Variants in CALN1 observed in about 807,000 individuals in gnomAD.
CALN1 encodes calcium-binding protein 8.
A neutral mutation model predicts 30.6 loss-of-function variants in CALN1; 17 were observed. The ratio of observed to expected loss-of-function variants is 0.56; its 90% CI spans 0.38 to 0.83. The LOEUF is 0.83. Among genes scored for constraint, CALN1 ranks in the 40% least tolerant of loss-of-function variants. The pLI is 0.00. For synonymous variants in CALN1, 156 were observed against 131.4 expected (o/e 1.19, Z -1.28); for missense variants, 291 against 354.9 (o/e 0.82, Z 1.45).
intron 5 of CALN1, among the ~76,000 whole-genome samples, chr7:72,021,489 T>C (rs1800705964): frequency 6.6e-6 from 1 of 152,164 alleles, no homozygotes; most frequent in East Asian, 1.9e-4. Flanking sequence ...ACTCTACCTA[T>C]TGGTCCTTGC....
intron 3 of CALN1, among the ~76,000 whole-genome samples, chr7:72,217,832 A>ATTTTT (rs35736777): frequency 8.9e-5 from 6 of 67,298 alleles, no homozygotes; most frequent in African/African-American, 1.3e-4. Context: ...AATTAAATAA[A>ATTTTT]TTTTTTTTTT....
intron 5 of CALN1, among the ~76,000 whole-genome samples, chr7:71,904,945 GATTT>G (rs1490212349): frequency 1.3e-5 from 2 of 149,492 alleles, no homozygotes; most frequent in African/African-American, 2.5e-5. Context: ...TTCTTTATTT[GATTT>G]ATTTATTGAG....
chr7:71,876,857 A>G (rs1792275396), intron 5 of CALN1, among the ~76,000 whole-genome samples: 1 of 152,218 alleles, frequency 6.6e-6, no homozygotes, highest in South Asian at 2.1e-4. Flanking sequence ...ACTGTTATCA[A>G]TGATTACCTT....
intron 1 of CALN1, among the ~76,000 whole-genome samples, chr7:72,437,817 T>C (rs1373166659): frequency 2.1e-5 from 3 of 144,416 alleles, no homozygotes; most frequent in Non-Finnish European, 4.5e-5. Flanking sequence ...CCTTCCTTCT[T>C]TCCTTCCTTC....
chr7:72,309,950 C>T (rs575319556), intron 2 of CALN1, among the ~76,000 whole-genome samples: 18 of 152,282 alleles, frequency 1.2e-4, no homozygotes, highest in African/African-American at 3.8e-4. Flanking sequence ...AGGGGCCCTG[C>T]CAGCATTCTC....
intron 2 of CALN1, among the ~76,000 whole-genome samples, chr7:72,400,718 A>C (rs1806283418): frequency 6.6e-6 from 1 of 152,084 alleles, no homozygotes; most frequent in Non-Finnish European, 1.5e-5. Context: ...AAAAATATAA[A>C]ATTAGCTGGG....
intron 1 of CALN1, among the ~76,000 whole-genome samples, chr7:72,426,706 G>A (rs1417475952): frequency 6.6e-6 from 1 of 152,230 alleles, no homozygotes; most frequent in East Asian, 1.9e-4. Context: ...GGGCTGTTCT[G>A]CTGTAACCAC....
rs116287901 is a variant in CALN1 at position 72,254,459 on chromosome 7, C to T, written c.244+24227G>A. 7.0e-3 allele frequency among the ~76,000 whole-genome samples: 1,062 copies of T among 152,258 alleles called. 16 individuals carry two copies. The highest frequency in any genetic ancestry group is 0.025 in the African/African-American group (1,027 of 41,548). ...GCCTGGATCCATCGTCTGCTGTCCCCACTCATCAGCCTCCCAAGTGACTTG... is the reference window on the plus strand; with the variant it reads ...GCCTGGATCCATCGTCTGCTGTCCCTACTCATCAGCCTCCCAAGTGACTTG... On this transcript the variant is annotated intron_variant, in intron 3 of 6. Coordinates refer to ENST00000395275, the MANE Select transcript of CALN1 (RefSeq NM_031468.4).
intron 5 of CALN1, among the ~76,000 whole-genome samples, chr7:71,897,517 T>C (rs1793594405): frequency 6.6e-6 from 1 of 152,128 alleles, no homozygotes; most frequent in South Asian, 2.1e-4. Context: ...AAATTTCACC[T>C]TGAGCCTCTG....
chr7:72,056,360 G>C (rs1004144714), intron 4 of CALN1, among the ~76,000 whole-genome samples: 1 of 152,012 alleles, frequency 6.6e-6, no homozygotes, highest in African/African-American at 2.4e-5. Flanking sequence ...GGTTAAGTAG[G>C]AGATAAACAA....
At chr7:72,192,637 ATTATT>A (rs1293818949) in intron 3 of CALN1, among the ~76,000 whole-genome samples, 349 of 13,506 alleles carry the variant, frequency 0.026, 1 homozygote, top group African/African-American at 0.16. Flanking sequence ...TATTATTATT[ATTATT>A]ATTATTATTA....
chr7:72,150,786 T>G (rs1324373389), intron 3 of CALN1, among the ~76,000 whole-genome samples: 1 of 152,228 alleles, frequency 6.6e-6, no homozygotes, highest in African/African-American at 2.4e-5. Flanking sequence ...ATCAATCGTG[T>G]AAGTTTAAGG....
chr7:72,019,297 T>A (rs1187847463), intron 5 of CALN1, among the ~76,000 whole-genome samples: 1 of 152,118 alleles, frequency 6.6e-6, no homozygotes, highest in Non-Finnish European at 1.5e-5. Context: ...GGCAGCAATG[T>A]CAGATCAGAA....
chr7:71,852,285 G>A (rs1053346409), intron 5 of CALN1, among the ~76,000 whole-genome samples: 1 of 151,906 alleles, frequency 6.6e-6, no homozygotes, highest in African/African-American at 2.4e-5. Context: ...CACTTCTCTT[G>A]GGAAAATACC....
chr7:71,854,457 C>T (rs112090729), intron 5 of CALN1, among the ~76,000 whole-genome samples: 5 of 152,096 alleles, frequency 3.3e-5, no homozygotes, highest in African/African-American at 1.2e-4. Context: ...CAGGAATGTG[C>T]TATTTATTTT....
intron 5 of CALN1, among the ~76,000 whole-genome samples, chr7:71,976,701 CTT>C (rs1358557463): frequency 8.5e-5 from 13 of 152,126 alleles, no homozygotes; most frequent in Non-Finnish European, 1.3e-4. Context: ...AATGGAAATT[CTT>C]GAGTCTGCAG....
intron 5 of CALN1, among the ~76,000 whole-genome samples, chr7:71,923,301 T>A (rs1463693923): frequency 6.6e-6 from 1 of 152,170 alleles, no homozygotes; most frequent in African/African-American, 2.4e-5. Context: ...TTGCTTTCAT[T>A]TGGCTGTTTG....
intron 3 of CALN1, among the ~76,000 whole-genome samples, chr7:72,224,390 C>A (rs1447161763): frequency 1.3e-5 from 2 of 152,054 alleles, no homozygotes; most frequent in African/African-American, 4.8e-5. Context: ...ATGGATATCA[C>A]AGGGTCAAAA....
chr7:72,065,557 G>A (rs1394822643), intron 4 of CALN1, among the ~76,000 whole-genome samples: 1 of 152,008 alleles, frequency 6.6e-6, no homozygotes, highest in South Asian at 2.1e-4. Flanking sequence ...ATCCCATCTC[G>A]GATTCATTAC....
Sources: allele counts gnomAD v4.1 joint callset (sites outside exome capture counted in the v4.1 genomes callset), GRCh38; gene constraint gnomAD v4.1.1; transcripts MANE v1.5; gene names NCBI Gene and HGNC (gene_info 2026-07-23, HGNC 2026-07-21).